ARL17B: variants seen among roughly 807,000 people sequenced by gnomAD.
ARL17B encodes the protein ARF like GTPase 17B, also known as ADP-ribosylation factor-like protein 17.
downstream of ARL17B, chr17:46,332,504 A>C (rs201858633): frequency 1.6e-6 from 2 of 1,261,198 alleles, no homozygotes; most frequent in Middle Eastern, 2.2e-4. Context: ...TGGGGTTTTG[A>C]ATAGTTAGCT....
rs1156612462 is a variant in ARL17B, at chr17:46,325,535, T to G, written c.260-25870A>C. ...AACAATCCTGGGAACAGTTCTAGAT[T>G]GAAGGAGACTAAAGAATCATGTACT... is the stretch of plus-strand genomic sequence containing the variant. On this transcript the variant is annotated intron_variant, in intron 3 of 4. Transcript: ENST00000434041. Among the ~76,000 whole-genome samples, 2 of 81,706 alleles carry G rather than the reference T, an allele frequency of 2.4e-5. 1 individual carries two copies. The highest frequency in any genetic ancestry group is 4.8e-4 in the East Asian group (2 of 4,182). The allele number at this position is 81,706 out of a possible 152,430, so 53.6% of individuals were successfully genotyped here.
chr17:46,279,820 G>C (rs112143265), intron 4 of ARL17B, among the ~76,000 whole-genome samples: 204 of 152,202 alleles, frequency 1.3e-3, no homozygotes, highest in Non-Finnish European at 2.0e-3. Flanking sequence ...ACAACTTTTT[G>C]TTTTTAGTGG....
intron 3 of ARL17B, among the ~76,000 whole-genome samples, chr17:46,340,654 T>C (rs559097450): frequency 1.1e-4 from 8 of 74,954 alleles, no homozygotes; most frequent in African/African-American, 3.3e-4. Context: ...GTGATTCTCC[T>C]GCCTCAGCCT....
chr17:46,275,361 GT>G, exon 5 of ARL17B: 1 of 989,822 alleles, frequency 1.0e-6, no homozygotes, highest in Non-Finnish European at 1.5e-6. Context: ...TGTGTTTTAT[GT>G]TAGGTTAACA....
At chr17:46,354,789 C>CA (rs1248954455) in intron 2 of ARL17B, among the ~76,000 whole-genome samples, 6 of 150,272 alleles carry the variant, frequency 4.0e-5, no homozygotes, top group Non-Finnish European at 7.4e-5. Context: ...CCTGTCTCTA[C>CA]AAAAAAACAC....
intron 4 of ARL17B, among the ~76,000 whole-genome samples, chr17:46,291,273 C>T (rs2050059135): frequency 4.6e-5 from 7 of 152,204 alleles, no homozygotes; most frequent in Admixed American, 3.9e-4. Flanking sequence ...CCTTCAAGAA[C>T]ATACAAGTGA....
chr17:46,276,376 G>A (rs1381058720), intron 4 of ARL17B, among the ~76,000 whole-genome samples: 9 of 152,126 alleles, frequency 5.9e-5, no homozygotes, highest in South Asian at 4.1e-4. Flanking sequence ...ACTATACATC[G>A]TTAACATTAA....
chr17:46,279,184 CTTTT>C (rs1189159774), intron 4 of ARL17B, among the ~76,000 whole-genome samples: 14,402 of 130,400 alleles, frequency 0.11, no homozygotes, highest in Middle Eastern at 0.17. Flanking sequence ...TCTTTTTTTT[CTTTT>C]TTTTTTTTTT....
intron 3 of ARL17B, among the ~76,000 whole-genome samples, chr17:46,307,910 G>A (rs1382192809): frequency 2.6e-5 from 2 of 76,598 alleles, no homozygotes; most frequent in Admixed American, 1.4e-4. Flanking sequence ...TACTCAGGAG[G>A]CTGAGGCAGG....
In ARL17B at chr17:46,327,441, A is replaced by C. The variant is rs1332758432; in HGVS notation, c.259+25379T>G. On this transcript the variant is annotated intron_variant, in intron 3 of 4. Coordinates refer to the ARL17B transcript ENST00000434041. ...AAAATACAAAAGTACAAAAAAAAAA[A>C]AATTAGCTGGGCATGGTGGTGCAAG... 2.6e-4 allele frequency among the ~76,000 whole-genome samples: 7 copies of C among 26,594 alleles called. 3 individuals are homozygous for C. The highest frequency in any genetic ancestry group is 1.1e-3 in the Non-Finnish European group (7 of 6,212). The allele number at this position is 26,594 out of a possible 152,430, so 17.4% of individuals were successfully genotyped here.
intron 4 of ARL17B, among the ~76,000 whole-genome samples, chr17:46,283,146 G>T (rs113040239): frequency 0.04 from 5,096 of 127,256 alleles, no homozygotes; most frequent in Middle Eastern, 0.085. Flanking sequence ...AACCGAGTAT[G>T]CACAATTCAA....
downstream of ARL17B, chr17:46,332,419 C>G: frequency 2.6e-6 from 1 of 383,644 alleles, no homozygotes; most frequent in Non-Finnish European, 4.4e-6. Flanking sequence ...ACCACGGTAC[C>G]CAAGCCTGGG....
chr17:46,276,790 C>CTTTTTTTTTT (rs75549659), intron 4 of ARL17B, among the ~76,000 whole-genome samples: 8 of 134,296 alleles, frequency 6.0e-5, no homozygotes, highest in Admixed American at 1.5e-4. Context: ...TTCTTTTTTT[C>CTTTTTTTTTT]TTTTTTTTTT....
At chr17:46,277,951 T>G (rs1367761621) in intron 4 of ARL17B, among the ~76,000 whole-genome samples, 1 of 112,084 alleles carries the variant, frequency 8.9e-6, no homozygotes, top group African/African-American at 2.6e-5. Flanking sequence ...CTGGGTAGAT[T>G]TTTTTTCTTT....
At chr17:46,310,172 TG>T (rs1452266376) in intron 3 of ARL17B, 1 of 69,590 alleles carries the variant, frequency 1.4e-5, no homozygotes. Context: ...CTTAGAACAG[TG>T]CTTGGCCTAT....
intron 3 of ARL17B, chr17:46,323,027 TG>T (rs2143934727): frequency 2.9e-6 from 1 of 345,862 alleles, no homozygotes; most frequent in African/African-American, 3.3e-5. Flanking sequence ...CTGGAAAAAC[TG>T]TAAGTTATTT....
intron 4 of ARL17B, among the ~76,000 whole-genome samples, chr17:46,281,754 G>A (rs577539095): frequency 4.0e-5 from 6 of 151,708 alleles, no homozygotes; most frequent in East Asian, 1.9e-4. Context: ...AGCAATTCTC[G>A]TGCCTCAGCC....
intron 4 of ARL17B, among the ~76,000 whole-genome samples, chr17:46,292,147 C>T (rs1170478361): frequency 1.6e-5 from 2 of 126,664 alleles, no homozygotes; most frequent in Non-Finnish European, 3.5e-5. Flanking sequence ...GCTTGGCTAA[C>T]ATGGTGAAAC....
intron 4 of ARL17B, among the ~76,000 whole-genome samples, chr17:46,278,360 T>A (rs74807476): frequency 0.14 from 21,748 of 152,002 alleles, 1,910 homozygotes; most frequent in Non-Finnish European, 0.22. Flanking sequence ...TTTTGAGTCC[T>A]AGTCTTTTTT....
Sources: gnomAD v4.1 joint callset for allele counts (sites outside exome capture counted in the v4.1 genomes callset) on GRCh38, gnomAD v4.1.1 for gene constraint, MANE v1.5 for transcripts, NCBI Gene and HGNC (gene_info 2026-07-23, HGNC 2026-07-21) for gene names.